ARHGAP42: variants seen among roughly 807,000 people sequenced by gnomAD.
ARHGAP42 encodes the protein rho GTPase-activating protein 42.
In ARHGAP42, 63 loss-of-function variants were observed where a neutral mutation model predicts 125.0. That is an observed-to-expected ratio of 0.50 (90% CI 0.41 to 0.62). The LOEUF is 0.62. ARHGAP42 is among the 20% of genes least tolerant of loss of function. The pLI, the probability that ARHGAP42 is intolerant of heterozygous loss-of-function variation, is 0.00. For synonymous variants in ARHGAP42, 339 were observed against 351.0 expected (o/e 0.97, Z 0.38); for missense variants, 766 against 1,024.2 (o/e 0.75, Z 3.44).
chr11:100,837,915 A>G (rs1365661676), intron 3 of ARHGAP42, among the ~76,000 whole-genome samples: 2 of 9,208 alleles, frequency 2.2e-4, no homozygotes, highest in Non-Finnish European at 2.1e-4. Flanking sequence ...TCATTGGTGC[A>G]GTCTAACAGG....
chr11:100,834,543 T>A (rs648388), intron 3 of ARHGAP42, among the ~76,000 whole-genome samples: 84,105 of 151,858 alleles, frequency 0.55, 24,564 homozygotes, highest in African/African-American at 0.75. Flanking sequence ...GTCAAGCCAA[T>A]TAATGCAGAC....
At chr11:100,788,640 G>A (rs1863491118) in intron 2 of ARHGAP42, among the ~76,000 whole-genome samples, 1 of 152,204 alleles carries the variant, frequency 6.6e-6, no homozygotes, top group African/African-American at 2.4e-5. Flanking sequence ...TGTGGTTGCA[G>A]ATAAAACCAA....
intron 6 of ARHGAP42, among the ~76,000 whole-genome samples, chr11:100,928,783 A>G (rs1867496566): frequency 6.6e-6 from 1 of 152,124 alleles, no homozygotes; most frequent in Non-Finnish European, 1.5e-5. Context: ...CCCCACAACC[A>G]TTAATACTGA....
chr11:100,829,474 C>T (rs528916138), intron 3 of ARHGAP42, among the ~76,000 whole-genome samples: 1 of 152,296 alleles, frequency 6.6e-6, no homozygotes, highest in African/African-American at 2.4e-5. Flanking sequence ...ACTGGACACA[C>T]TGGCAGCTCT....
intron 2 of ARHGAP42, among the ~76,000 whole-genome samples, chr11:100,790,971 TCC>T (rs1863550612): frequency 6.6e-6 from 1 of 152,200 alleles, no homozygotes; most frequent in Admixed American, 6.5e-5. Context: ...GCATGTAACT[TCC>T]AGATTTTGCT....
intron 2 of ARHGAP42, among the ~76,000 whole-genome samples, chr11:100,781,877 A>G (rs926930440): frequency 4.6e-5 from 7 of 151,974 alleles, no homozygotes; most frequent in African/African-American, 1.7e-4. Flanking sequence ...ATTTGAAACC[A>G]TTTGGTGCAA....
At chr11:100,793,595 T>A (rs1474165222) in intron 2 of ARHGAP42, among the ~76,000 whole-genome samples, 1 of 152,252 alleles carries the variant, frequency 6.6e-6, no homozygotes, top group African/African-American at 2.4e-5. Flanking sequence ...TTGGAATTTT[T>A]AATTCTTAAA....
Position 100,904,213 on chromosome 11 carries a change from C to T in ARHGAP42, c.385-9239C>T, listed in dbSNP as rs184882221. ...AGGTTTAAAGTGGCATTACAAATAT[C>T]GAACACCCCCTCTACTTCCTATTTT... On this transcript the variant is annotated intron_variant, in intron 4 of 23. Transcript: ENST00000298815. Among the ~76,000 whole-genome samples the T allele has an allele frequency of 1.6e-4, 24 of 151,910 alleles. No individual in the cohort carries two copies. In the East Asian group the frequency reaches 3.5e-3, roughly 22 times the overall value.
intron 22 of ARHGAP42, among the ~76,000 whole-genome samples, chr11:100,983,237 T>C (rs1262301475): frequency 6.6e-6 from 1 of 152,226 alleles, no homozygotes; most frequent in African/African-American, 2.4e-5. Flanking sequence ...TTTTAAAATA[T>C]GTATTTATTG....
At chr11:100,779,527 T>TATAC (rs1465290349) in intron 2 of ARHGAP42, among the ~76,000 whole-genome samples, 2 of 134,888 alleles carry the variant, frequency 1.5e-5, no homozygotes, top group Admixed American at 7.5e-5. Flanking sequence ...TACGTATACA[T>TATAC]GCGTATATAT....
chr11:100,865,635 A>G (rs910145660), intron 4 of ARHGAP42, among the ~76,000 whole-genome samples: 1 of 152,236 alleles, frequency 6.6e-6, no homozygotes, highest in Admixed American at 6.5e-5. Flanking sequence ...AAATATCCCA[A>G]TGAGTCACAC....
intron 1 of ARHGAP42, among the ~76,000 whole-genome samples, chr11:100,720,683 C>A (rs1861743766): frequency 6.7e-6 from 1 of 150,358 alleles, no homozygotes; most frequent in African/African-American, 2.4e-5. Context: ...TTGAGATAAC[C>A]TTTTTTTTTT....
At chr11:100,843,968 A>C (rs1248382158) in intron 3 of ARHGAP42, among the ~76,000 whole-genome samples, 1 of 152,082 alleles carries the variant, frequency 6.6e-6, no homozygotes, top group African/African-American at 2.4e-5. Flanking sequence ...ATATGGAACC[A>C]AAAAAATAGC....
intron 3 of ARHGAP42, chr11:100,859,240 T>A (rs1239941922): frequency 8.9e-6 from 2 of 223,570 alleles, no homozygotes; most frequent in Non-Finnish European, 1.7e-5. Context: ...TATAGGTATT[T>A]GTAAATTTAA....
At chr11:100,763,606 G>A (rs1360824085) in intron 1 of ARHGAP42, among the ~76,000 whole-genome samples, 1 of 152,118 alleles carries the variant, frequency 6.6e-6, no homozygotes, top group African/African-American at 2.4e-5. Flanking sequence ...TCCTGCCTCA[G>A]CCTCCCAAGT....
chr11:100,939,591 G>A (rs1250880445), intron 8 of ARHGAP42, among the ~76,000 whole-genome samples: 4 of 152,040 alleles, frequency 2.6e-5, no homozygotes, highest in African/African-American at 7.2e-5. Context: ...GTAGGTATTC[G>A]ATGAATGTTA....
intron 1 of ARHGAP42, among the ~76,000 whole-genome samples, chr11:100,695,918 GA>G (rs2120181580): frequency 6.6e-6 from 1 of 152,286 alleles, no homozygotes; most frequent in African/African-American, 2.4e-5. Flanking sequence ...AATATAGTGG[GA>G]AAAAGCTAGG....
At chr11:100,768,280 G>A (rs1862880603) in intron 1 of ARHGAP42, among the ~76,000 whole-genome samples, 1 of 151,810 alleles carries the variant, frequency 6.6e-6, no homozygotes, top group South Asian at 2.1e-4. Context: ...CCAAGGAGCA[G>A]GATGTGGGGC....
chr11:100,701,424 A>G (rs763293687), intron 1 of ARHGAP42, among the ~76,000 whole-genome samples: 15 of 152,238 alleles, frequency 9.9e-5, no homozygotes, highest in Admixed American at 3.3e-4. Context: ...CCTACATGGC[A>G]TCTTCTTCCA....
Sources: gnomAD v4.1 joint callset for allele counts (sites outside exome capture counted in the v4.1 genomes callset) on GRCh38, gnomAD v4.1.1 for gene constraint, MANE v1.5 for transcripts, NCBI Gene and HGNC (gene_info 2026-07-23, HGNC 2026-07-21) for gene names.